The following MBD1 variants were observed in gnomAD, a reference collection of about 807,000 sequenced individuals.
MBD1 encodes the protein methyl-CpG binding domain protein 1.
Under a neutral mutation model 82.6 loss-of-function variants are expected in MBD1, and 25 were observed. That is an observed-to-expected ratio of 0.30 (90% CI 0.22 to 0.42). The LOEUF is 0.42. Among genes scored for constraint, MBD1 ranks in the 10% least tolerant of loss-of-function variants. The pLI is 1.00. For missense variants in MBD1, 627 were observed against 819.6 expected (o/e 0.76, Z 2.87); for synonymous variants, 301 against 303.7 (o/e 0.99, Z 0.09).
rs759295870 is a variant in MBD1, at chr18:50,276,888, C to T, written c.336G>A (p.Pro112=). Residue 112 remains proline (P), a synonymous_variant, in exon 4 of 17, where the codon CCG becomes CCA. Transcript: ENST00000269468. Reference sequence around the variant, plus strand: ...CAGTGTCAGCCTTGGTCTCATCCCTCGGGGCCTCCTTCCTGACCTCACCAC... The same window carrying T: ...CAGTGTCAGCCTTGGTCTCATCCCTTGGGGCCTCCTTCCTGACCTCACCAC... ...PQSGEVRKEA[P]RDETKADTDT... The T allele has an allele frequency of 1.5e-5, 25 of 1,614,218 alleles. 1 individual carries two copies. In the East Asian group the frequency reaches 4.7e-4, roughly 30 times the overall value.
At position 50,269,244 on chromosome 18, in the gene MBD1, CT is replaced by C. The variant is rs1286797041; in HGVS notation, c.*606del. 1 of 1,117,548 alleles carries C rather than the reference CT, an allele frequency of 8.9e-7. No homozygotes were observed. Among genetic ancestry groups the C allele is most frequent in the Admixed American group, 4.7e-5 (1 of 21,270 alleles). The allele number at this position is 1,117,548 out of a possible 1,614,324, so 69.2% of individuals were successfully genotyped here. On this transcript the variant is annotated 3_prime_UTR_variant, in exon 17 of 17. Transcript: ENST00000269468. ...TCACCATGAAATCCATGGTCTTCAG[CT>C]TTGCATTTTCAGCCACATAGTTATA...
At position 50,273,823 on chromosome 18, in the gene MBD1, C is replaced by G; in HGVS notation, c.1187G>C (p.Gly396Ala). 1 of 1,613,622 alleles carries G rather than the reference C, an allele frequency of 6.2e-7. No homozygotes were observed. Among genetic ancestry groups the G allele is most frequent in the African/African-American group, 1.3e-5 (1 of 75,068 alleles). Residue 396 changes from glycine to alanine, a missense_variant, in exon 12 of 17, where the codon GGG (glycine) becomes GCG (alanine). Coordinates refer to ENST00000269468, the MANE Select transcript of MBD1 (RefSeq NM_015846.4). Reference protein sequence around the residue: ...LPSVWSESEDGAGSPPPYRRR... With the variant: ...LPSVWSESEDAAGSPPPYRRR... ...ACGGTAAGGTGGGGGCGATCCTGCC[C>G]CATCCTCAGACTCTGACCAGACACT... is the stretch of plus-strand genomic sequence containing the variant.
chr18:50,271,426 T>G, intron 16 of MBD1, 43 bp downstream of exon 16: 1 of 1,613,952 alleles, frequency 6.2e-7, no homozygotes, highest in Non-Finnish European at 8.5e-7. Flanking sequence ...CAGCCCCTAG[T>G]AGATCAGTGT....
rs1343827160 is a variant in MBD1 at position 50,277,003 on chromosome 18, A to G, written c.226-5T>C. The G allele has an allele frequency of 6.2e-7, 1 of 1,614,058 alleles. No individual in the cohort carries two copies. The highest frequency in any genetic ancestry group is 8.5e-7 in the Non-Finnish European group (1 of 1,180,040). On this transcript the variant is annotated splice_region_variant and splice_polypyrimidine_tract_variant and intron_variant, in intron 3 of 16. Coordinates refer to ENST00000269468, the MANE Select transcript of MBD1 (RefSeq NM_015846.4). ...GGCAACCGCCACGGGATGGGCCTGGAAAGTAAGGGAAGGAGGAATATGGGT... is the reference window on the plus strand; with the variant it reads ...GGCAACCGCCACGGGATGGGCCTGGGAAGTAAGGGAAGGAGGAATATGGGT...
intron 11 of MBD1, 117 bp from the exon 12 acceptor site, chr18:50,273,980 T>G: frequency 7.1e-7 from 1 of 1,404,444 alleles, no homozygotes; most frequent in Admixed American, 1.7e-5. Flanking sequence ...TCTGCTTACA[T>G]ATGAGCCCTT....
At chr18:50,270,282 A>G in intron 16 of MBD1, 1 of 902,704 alleles carries the variant, frequency 1.1e-6, no homozygotes, top group Non-Finnish European at 1.8e-6. Context: ...CACACAGGAT[A>G]CAAAGTTTAA....
chr18:50,276,104 G>GT lies in MBD1; in HGVS notation c.517-124dup, dbSNP rs1359646700. Reference sequence around the variant, plus strand: ...TTAGTCCCCCATTAGCCTCATCACCGTATCTGAGAAGGTCTGGTTAGTCAC... The same window carrying GT: ...TTAGTCCCCCATTAGCCTCATCACCGTTATCTGAGAAGGTCTGGTTAGTCAC... On this transcript the variant is annotated intron_variant, in intron 6 of 16. Transcript: ENST00000269468. 21 of 1,280,450 alleles carry GT rather than the reference G, an allele frequency of 1.6e-5. No homozygotes were observed. In the East Asian group the frequency reaches 5.0e-4, roughly 31 times the overall value. The allele number at this position is 1,280,450 out of a possible 1,614,324, so 79.3% of individuals were successfully genotyped here.
intron 11 of MBD1, 107 bp from the exon 12 acceptor site, chr18:50,273,970 T>A: frequency 6.9e-7 from 1 of 1,457,868 alleles, no homozygotes; most frequent in Non-Finnish European, 9.5e-7. Flanking sequence ...CAGCACGGAA[T>A]CTGCTTACAT....
Position 50,279,968 on chromosome 18 carries a change from G to A in MBD1, c.25C>T (p.Pro9Ser). Reference sequence around the variant, plus strand: ...CGCTTCCAGCCAGGGCCCAGGGCCGGGCAGTCCAGCCAGTCCTCAGCCATG... The same window carrying A: ...CGCTTCCAGCCAGGGCCCAGGGCCGAGCAGTCCAGCCAGTCCTCAGCCATG... MAEDWLDC[P>S]ALGPGWKRRE... is the part of the protein sequence containing the mutation. The change falls in exon 2 of 17, where the codon CCG (proline) becomes TCG (serine). Residue 9 changes from proline (P) to serine (S), a missense_variant. Physicochemically the swap from Pro to Ser is moderately conservative, Grantham distance 74 (BLOSUM62 -1). Transcript: ENST00000269468. 1 of 1,610,910 alleles carries A rather than the reference G, an allele frequency of 6.2e-7. No homozygotes were observed. Among genetic ancestry groups the A allele is most frequent in the Non-Finnish European group, 8.5e-7 (1 of 1,179,856 alleles).
downstream of MBD1, chr18:50,267,564 T>C (rs142361733): frequency 8.3e-6 from 12 of 1,447,940 alleles, no homozygotes; most frequent in East Asian, 2.0e-4. Flanking sequence ...AGAATCAGGA[T>C]CCAGGCAGAA....
chr18:50,272,322 C>A, intron 15 of MBD1: 1 of 336,520 alleles, frequency 3.0e-6, no homozygotes, highest in Non-Finnish European at 5.7e-6. Context: ...CCTTCAAGAC[C>A]CAAATGATTA....
At position 50,273,475 on chromosome 18, in the gene MBD1, C is replaced by T. The variant is rs541490588; in HGVS notation, c.1447-4G>A. The T allele has an allele frequency of 2.7e-5, 43 of 1,614,124 alleles. No individual in the cohort carries two copies. The highest frequency in any genetic ancestry group is 1.8e-4 in the East Asian group (8 of 44,880). The stretch of plus-strand genomic sequence containing the variant: ...TCAGGCCAGAGCACTGGGCCTCCTG[C>T]GTGAGGGAGGATTGCAGCAGACTTG... On this transcript the variant is annotated splice_polypyrimidine_tract_variant and splice_region_variant and intron_variant, in intron 12 of 16. Coordinates refer to ENST00000269468, the MANE Select transcript of MBD1 (RefSeq NM_015846.4).
chr18:50,277,015 G>A lies in MBD1; in HGVS notation c.226-17C>T, dbSNP rs754305643. On this transcript the variant is annotated splice_polypyrimidine_tract_variant and intron_variant, in intron 3 of 16. Coordinates refer to ENST00000269468, the MANE Select transcript of MBD1 (RefSeq NM_015846.4). ...GGGATGGGCCTGGAAAGTAAGGGAAGGAGGAATATGGGTCAGTGGTTGGGT... is the reference window on the plus strand; with the variant it reads ...GGGATGGGCCTGGAAAGTAAGGGAAAGAGGAATATGGGTCAGTGGTTGGGT... The A allele has an allele frequency of 6.2e-7, 1 of 1,614,234 alleles. No homozygotes were observed. The highest frequency in any genetic ancestry group is 8.5e-7 in the Non-Finnish European group (1 of 1,180,042).
chr18:50,279,700 T>C (rs2039462809), intron 2 of MBD1, 183 bp downstream of exon 2: 1 of 734,808 alleles, frequency 1.4e-6, no homozygotes, highest in Admixed American at 2.6e-5. Context: ...GCACTGTGAG[T>C]AGTGACTTTT....
At chr18:50,271,303 G>A (rs2035419630) in intron 16 of MBD1, 166 bp downstream of exon 16, 6 of 1,503,092 alleles carry the variant, frequency 4.0e-6, no homozygotes, top group South Asian at 2.7e-5. Context: ...TTCCTTTCCC[G>A]CTTACTTCTT....
At chr18:50,272,249 C>T (rs910494859) in intron 15 of MBD1, among the ~76,000 whole-genome samples, 36 of 152,192 alleles carry the variant, frequency 2.4e-4, no homozygotes, top group Non-Finnish European at 7.3e-5. Context: ...CACCATTTCT[C>T]TGGTACACAT....
rs1165284679 is a variant in MBD1 at position 50,275,945 on chromosome 18, T to C, written c.553A>G (p.Thr185Ala). ...GTGGAGCAGGCCCCACAGTCTTCTG[T>C]TACCTGGCAGGCTGCACACTCCCCA... ...GCGECAACQV[T>A]EDCGACSTCL... Residue 185 changes from threonine (T) to alanine (A), a missense_variant, in exon 7 of 17, where the codon ACA becomes GCA. By Grantham distance (58) the Thr-to-Ala change is moderately conservative (BLOSUM62 0). Coordinates refer to ENST00000269468, the MANE Select transcript of MBD1 (RefSeq NM_015846.4). The C allele has an allele frequency of 1.2e-6, 2 of 1,613,496 alleles. No individual in the cohort carries two copies. The highest frequency in any genetic ancestry group is 1.7e-6 in the Non-Finnish European group (2 of 1,179,978).
chr18:50,274,262 C>T lies in MBD1; in HGVS notation c.1070G>A (p.Cys357Tyr). ...RMDCGRCDFC[C>Y]DKPKFGGSNQ... ...GCTGCCCCCGAATTTGGGCTTGTCGCAGCAGAAGTCGCAGCGGCCACAGTC... is the reference window on the plus strand; with the variant it reads ...GCTGCCCCCGAATTTGGGCTTGTCGTAGCAGAAGTCGCAGCGGCCACAGTC... Residue 357 changes from cysteine (C) to tyrosine (Y), a missense_variant, in exon 11 of 17, where the codon TGC (cysteine) becomes TAC (tyrosine). Physicochemically the swap from Cys to Tyr is radical, Grantham distance 194 (BLOSUM62 -2). This residue lies in a region of MBD1 where 228 missense variants were observed against 318.1 expected (regional missense o/e 0.72). Coordinates refer to ENST00000269468, the MANE Select transcript of MBD1 (RefSeq NM_015846.4). 1.9e-6 allele frequency: 3 copies of T among 1,614,112 alleles called. No individual in the cohort carries two copies. The highest frequency in any genetic ancestry group is 2.5e-6 in the Non-Finnish European group (3 of 1,180,022).
chr18:50,279,787 A>C, intron 2 of MBD1, 96 bp downstream of exon 2: 1 of 1,516,000 alleles, frequency 6.6e-7, no homozygotes, highest in Non-Finnish European at 9.1e-7. Context: ...GTATGTGCAT[A>C]ATTTAAACTT....
Sources: gnomAD v4.1 joint callset for allele counts (sites outside exome capture counted in the v4.1 genomes callset) on GRCh38, gnomAD v4.1.1 for gene constraint, gnomAD v4.1.1 regional missense constraint, MANE v1.5 for transcripts, NCBI Gene and HGNC (gene_info 2026-07-23, HGNC 2026-07-21) for gene names.